C16orf89: variants seen among roughly 807,000 people sequenced by gnomAD.
C16orf89 encodes the protein UPF0764 protein C16orf89.
C16orf89 carries 57 observed loss-of-function variants against 41.5 expected under a neutral mutation model. That is an observed-to-expected ratio of 1.38 (90% CI 1.11 to 1.71). The LOEUF (loss-of-function observed/expected upper bound fraction) is 1.71. C16orf89 is among the 40% of genes most tolerant of loss of function. C16orf89 has a pLI of 0.00. For missense variants in C16orf89, 575 were observed against 445.9 expected (o/e 1.29, Z -2.61); for synonymous variants, 223 against 190.6 (o/e 1.17, Z -1.40).
At chr16:5,047,284 T>C (rs951378540) in intron 7 of C16orf89, among the ~76,000 whole-genome samples, 3 of 152,198 alleles carry the variant, frequency 2.0e-5, no homozygotes, top group Admixed American at 6.6e-5. Flanking sequence ...TTTCAGCTCT[T>C]ACAACACCTC....
chr16:5,052,618 C>A (rs1037589109), intron 6 of C16orf89, among the ~76,000 whole-genome samples: 6 of 151,134 alleles, frequency 4.0e-5, no homozygotes, highest in Non-Finnish European at 8.9e-5. Context: ...AAAAAAAAGA[C>A]AACAGATAAC....
chr16:5,059,555 C>G (rs188483951), intron 3 of C16orf89, among the ~76,000 whole-genome samples: 3 of 152,276 alleles, frequency 2.0e-5, no homozygotes, highest in Admixed American at 6.5e-5. Flanking sequence ...GTGTCCTGGC[C>G]TAAGCACTGC....
intron 6 of C16orf89, among the ~76,000 whole-genome samples, chr16:5,052,841 A>G (rs1956422842): frequency 6.6e-6 from 1 of 152,232 alleles, no homozygotes. Flanking sequence ...TGTTTATTGC[A>G]GCGCTATTCA....
At chr16:5,044,564 C>G in intron 7 of C16orf89, 86 bp from the exon 8 acceptor site, 1 of 1,570,370 alleles carries the variant, frequency 6.4e-7, no homozygotes, top group Non-Finnish European at 8.6e-7. Context: ...GCTTTTCAGC[C>G]AGACGCGGTG....
chr16:5,059,528 C>T (rs1026723885), intron 3 of C16orf89, among the ~76,000 whole-genome samples: 13 of 152,030 alleles, frequency 8.6e-5, no homozygotes, highest in African/African-American at 3.1e-4. Context: ...GGGCCCAGCC[C>T]CTCCGTGAAT....
intron 7 of C16orf89, among the ~76,000 whole-genome samples, chr16:5,045,188 C>A (rs371675661): frequency 3.5e-4 from 54 of 152,344 alleles, no homozygotes; most frequent in African/African-American, 1.3e-3. Context: ...ACCCACGCAC[C>A]GGAGTCCTGT....
At chr16:5,064,950 C>T (rs1431726469) in intron 1 of C16orf89, among the ~76,000 whole-genome samples, 1 of 152,212 alleles carries the variant, frequency 6.6e-6, no homozygotes, top group Non-Finnish European at 1.5e-5. Flanking sequence ...TGCAATGCAC[C>T]TGGGTTGTGC....
intron 6 of C16orf89, among the ~76,000 whole-genome samples, chr16:5,049,585 A>G (rs1956360878): frequency 6.6e-6 from 1 of 152,240 alleles, no homozygotes; most frequent in Non-Finnish European, 1.5e-5. Flanking sequence ...GAAATTAAAC[A>G]ACATGTTCCT....
At chr16:5,063,526 C>T (rs1352592025) in intron 1 of C16orf89, among the ~76,000 whole-genome samples, 3 of 152,096 alleles carry the variant, frequency 2.0e-5, no homozygotes, top group Non-Finnish European at 1.5e-5. Flanking sequence ...GGTGGGTGAG[C>T]GAGCTAAGCT....
rs376562120 is a variant in C16orf89, at chr16:5,044,300, T to C, written c.*48A>G. 192 of 1,549,766 alleles carry C rather than the reference T, an allele frequency of 1.2e-4. No homozygotes were observed. The highest frequency in any genetic ancestry group is 2.4e-4 in the Middle Eastern group (1 of 4,186). ...CCTCCAGGATCTAAGGGATGAGGAC[T>C]AAAGGGGTCTGTTCCTCCTCCAGGC... On this transcript the variant is annotated 3_prime_UTR_variant, in exon 8 of 8. Coordinates refer to ENST00000472572, the MANE Select transcript of C16orf89 (RefSeq NM_001098514.3).
chr16:5,048,132 A>G (rs1356374068), intron 6 of C16orf89, among the ~76,000 whole-genome samples, 168 bp from the exon 7 acceptor site: 1 of 152,158 alleles, frequency 6.6e-6, no homozygotes, highest in South Asian at 2.1e-4. Context: ...AGCTCACAGA[A>G]TCCTTCCTGC....
intron 6 of C16orf89, among the ~76,000 whole-genome samples, chr16:5,051,690 T>G (rs1464568557): frequency 1.3e-5 from 2 of 151,478 alleles, no homozygotes; most frequent in South Asian, 2.1e-4. Flanking sequence ...GAAAAAAAAA[T>G]CCTAAAATTT....
At chr16:5,059,264 A>AAAAAT (rs550852291) in intron 3 of C16orf89, among the ~76,000 whole-genome samples, 17 of 151,848 alleles carry the variant, frequency 1.1e-4, no homozygotes, top group African/African-American at 3.6e-4. Context: ...ATAAATAAAT[A>AAAAAT]AAAATAAAAT....
intron 4 of C16orf89, among the ~76,000 whole-genome samples, chr16:5,058,190 C>T (rs1956547499): frequency 6.6e-6 from 1 of 151,844 alleles, no homozygotes; most frequent in African/African-American, 2.4e-5. Context: ...TGCAGTGGCG[C>T]AATCTTACTC....
At position 5,056,078 on chromosome 16, in the gene C16orf89, A is replaced by G; in HGVS notation, c.738T>C (p.Pro246=). 1 of 1,595,174 alleles carries G rather than the reference A, an allele frequency of 6.3e-7. No individual in the cohort carries two copies. Among genetic ancestry groups the G allele is most frequent in the Non-Finnish European group, 8.6e-7 (1 of 1,164,882 alleles). ...RRAEAIGYAY[P]TRDIFMENIM... ...TGTTTTCCATGAAGATGTCCCGGGT[A>G]GGGTAGGCGTATCCGATGGCCTCAG... Residue 246 remains proline, a synonymous_variant, in exon 5 of 8, where the codon CCT becomes CCC. Transcript: ENST00000472572.
chr16:5,062,399 G>T (rs1461316373), intron 2 of C16orf89, 26 bp downstream of exon 2: 2 of 1,591,846 alleles, frequency 1.3e-6, no homozygotes, highest in Non-Finnish European at 1.7e-6. Flanking sequence ...ATTCCTGAGG[G>T]AATGGGACAC....
chr16:5,059,979 C>T (rs796709869), intron 3 of C16orf89, among the ~76,000 whole-genome samples: 3 of 152,100 alleles, frequency 2.0e-5, no homozygotes, highest in African/African-American at 7.2e-5. Context: ...GAAAAGAGGC[C>T]TCTAGGGGCC....
intron 6 of C16orf89, among the ~76,000 whole-genome samples, chr16:5,050,755 C>G (rs553308955): frequency 1.1e-4 from 16 of 152,300 alleles, no homozygotes; most frequent in African/African-American, 3.8e-4. Context: ...TACTAGCAAA[C>G]CAAACCCAGC....
chr16:5,050,146 TC>T (rs1956371304), intron 6 of C16orf89, among the ~76,000 whole-genome samples: 1 of 152,146 alleles, frequency 6.6e-6, no homozygotes, highest in African/African-American at 2.4e-5. Flanking sequence ...GGTGGGCAGA[TC>T]ACTTGAGGTC....
Sources: gnomAD v4.1 joint callset for allele counts (sites outside exome capture counted in the v4.1 genomes callset) on GRCh38, gnomAD v4.1.1 for gene constraint, MANE v1.5 for transcripts, NCBI Gene and HGNC (gene_info 2026-07-23, HGNC 2026-07-21) for gene names.